JMY: variants seen among roughly 807,000 people sequenced by gnomAD.
The protein encoded by JMY is junction-mediating and -regulatory protein.
Under a neutral mutation model 103.3 loss-of-function variants are expected in JMY, and 46 were observed. The ratio of observed to expected loss-of-function variants is 0.45; its 90% CI spans 0.35 to 0.57. JMY has a LOEUF of 0.57. JMY is among the 20% of genes least tolerant of loss of function. The pLI, the probability that JMY is intolerant of heterozygous loss-of-function variation, is 0.00. For missense variants in JMY, 1,238 were observed against 1,255.2 expected (o/e 0.99, Z 0.21); for synonymous variants, 526 against 489.3 (o/e 1.07, Z -0.99).
chr5:79,271,298 C>T (rs929115107), intron 1 of JMY, among the ~76,000 whole-genome samples: 2 of 151,802 alleles, frequency 1.3e-5, no homozygotes, highest in Admixed American at 1.3e-4. Flanking sequence ...TTCCAAAGTG[C>T]TGGGGTTACA....
chr5:79,260,165 G>C (rs569613967), intron 1 of JMY, among the ~76,000 whole-genome samples: 36 of 152,248 alleles, frequency 2.4e-4, no homozygotes, highest in Non-Finnish European at 4.4e-4. Context: ...ACAAGTCCTA[G>C]CTGTACCCTT....
intron 7 of JMY, among the ~76,000 whole-genome samples, chr5:79,307,780 C>T (rs1331834717): frequency 6.6e-6 from 1 of 152,050 alleles, no homozygotes. Context: ...ATTCTGTCAC[C>T]AAGGCTGGAG....
chr5:79,306,247 A>G lies in JMY; in HGVS notation c.1882-128A>G, dbSNP rs1746876959. The G allele has an allele frequency of 9.3e-6, 6 of 643,848 alleles. No homozygotes were observed. In the East Asian group the frequency reaches 1.7e-4, roughly 18 times the overall value. The allele number at this position is 643,848 out of a possible 1,614,324, so 39.9% of individuals were successfully genotyped here. A position where few individuals can be genotyped will look rare whatever the true frequency, so the allele number is the denominator to read the frequency against. On this transcript the variant is annotated intron_variant, in intron 6 of 10. Coordinates refer to ENST00000396137, the MANE Select transcript of JMY (RefSeq NM_152405.5). ...ACAGCTTCAGTTGTCCAAATAAGAAACAAGAGGTGGTCAATGTGATACTTT... is the reference window on the plus strand; with the variant it reads ...ACAGCTTCAGTTGTCCAAATAAGAAGCAAGAGGTGGTCAATGTGATACTTT...
chr5:79,300,340 A>T (rs201931204), intron 5 of JMY, 22 bp downstream of exon 5: 1 of 1,489,068 alleles, frequency 6.7e-7, no homozygotes. Flanking sequence ...ATTTAACCAC[A>T]TAAGTTCACC....
In JMY at chr5:79,237,139, A is replaced by G. The variant is rs1395054441; in HGVS notation, c.489A>G (p.Ala163=). 2 of 1,547,946 alleles carry G rather than the reference A, an allele frequency of 1.3e-6. No individual in the cohort carries two copies. Among genetic ancestry groups the G allele is most frequent in the African/African-American group, 1.4e-5 (1 of 73,112 alleles). The part of the protein sequence containing the change: ...KTSEADDAAG[A]AAAAARPAPR... ...CTGAAGCCGACGATGCGGCGGGGGCAGCCGCTGCAGCAGCCCGGCCGGCGC... is the reference window on the plus strand; with the variant it reads ...CTGAAGCCGACGATGCGGCGGGGGCGGCCGCTGCAGCAGCCCGGCCGGCGC... The change falls in exon 1 of 11, where the codon GCA becomes GCG. Residue 163 remains alanine, a synonymous_variant. Transcript: ENST00000396137.
intron 6 of JMY, among the ~76,000 whole-genome samples, chr5:79,304,973 G>T (rs1746837095): frequency 6.6e-6 from 1 of 152,160 alleles, no homozygotes; most frequent in Non-Finnish European, 1.5e-5. Context: ...CTGAGTTACT[G>T]TATCACCAAG....
intron 7 of JMY, among the ~76,000 whole-genome samples, chr5:79,309,779 T>C (rs563877134): frequency 2.6e-5 from 4 of 152,336 alleles, no homozygotes; most frequent in Non-Finnish European, 5.9e-5. Flanking sequence ...TTTTCATTAC[T>C]GTTTCTGTGG....
chr5:79,253,481 A>T (rs1049725959), intron 1 of JMY, among the ~76,000 whole-genome samples: 1 of 151,840 alleles, frequency 6.6e-6, no homozygotes, highest in African/African-American at 2.4e-5. Context: ...TTTAGTAGAG[A>T]TGGGGTTTCA....
chr5:79,290,993 A>C, intron 3 of JMY, 137 bp from the exon 4 acceptor site: 1 of 590,112 alleles, frequency 1.7e-6, no homozygotes, highest in Admixed American at 4.1e-5. Context: ...TCATAAAAGA[A>C]AAAAAGAAAA....
chr5:79,316,232 T>C lies in JMY; in HGVS notation c.2892T>C (p.Leu964=), dbSNP rs1253312273. The C allele has an allele frequency of 1.2e-6, 2 of 1,614,042 alleles. No homozygotes were observed. Among genetic ancestry groups the C allele is most frequent in the Middle Eastern group, 1.6e-4 (1 of 6,062 alleles). The change falls in exon 10 of 11, where the codon CTT becomes CTC. Residue 964 remains leucine, a synonymous_variant. Coordinates refer to ENST00000396137, the MANE Select transcript of JMY (RefSeq NM_152405.5). The part of the protein sequence containing the change: ...DPLTRSIHEA[L]RRIKEASPES... ...TAACACGGAGCATCCATGAAGCTCT[T>C]AGAAGAATTAAAGAAGCATCCCCAG...
At chr5:79,310,057 CTTTTTTTTTTTTTTT>C (rs55994052) in intron 7 of JMY, among the ~76,000 whole-genome samples, 3 of 73,666 alleles carry the variant, frequency 4.1e-5, no homozygotes, top group East Asian at 4.4e-4. Flanking sequence ...CTTTCTTTTC[CTTTTTTTTTTTTTTT>C]TTTTTTTTTT....
chr5:79,288,467 C>G lies in JMY; in HGVS notation c.1207-1654C>G, dbSNP rs78410512. On this transcript the variant is annotated intron_variant, in intron 2 of 10. Transcript: ENST00000396137. The stretch of plus-strand genomic sequence containing the variant: ...AAATGATACTCTTTCCCCACAATAC[C>G]TTTTATTTTTCTCATAGGTGTTTTA... 4.0e-3 allele frequency among the ~76,000 whole-genome samples: 607 copies of G among 152,240 alleles called. 7 individuals are homozygous for G. Among genetic ancestry groups the G allele is most frequent in the African/African-American group, 0.014 (576 of 41,536 alleles).
At chr5:79,244,785 T>A (rs1015474060) in intron 1 of JMY, among the ~76,000 whole-genome samples, 1 of 151,868 alleles carries the variant, frequency 6.6e-6, no homozygotes, top group Non-Finnish European at 1.5e-5. Flanking sequence ...GTTCCAAGTG[T>A]AAGAGACATA....
intron 7 of JMY, 126 bp from the exon 8 acceptor site, chr5:79,312,277 C>G: frequency 2.1e-6 from 1 of 468,744 alleles, no homozygotes; most frequent in South Asian, 6.2e-5. Context: ...GTTTCATGAA[C>G]AAAAAAAAAT....
At chr5:79,281,732 GGTCA>G (rs2112089197) in intron 2 of JMY, among the ~76,000 whole-genome samples, 1 of 152,202 alleles carries the variant, frequency 6.6e-6, no homozygotes, top group South Asian at 2.1e-4. Context: ...TGATGGAAAT[GGTCA>G]GTATTTGATT....
chr5:79,244,713 A>C (rs1006215381), intron 1 of JMY, among the ~76,000 whole-genome samples: 5 of 151,888 alleles, frequency 3.3e-5, no homozygotes, highest in Non-Finnish European at 7.4e-5. Context: ...ACTCTCTAAA[A>C]GGCCAGGACC....
intron 9 of JMY, among the ~76,000 whole-genome samples, chr5:79,315,286 A>G (rs1183863134): frequency 6.6e-6 from 1 of 152,254 alleles, no homozygotes; most frequent in African/African-American, 2.4e-5. Flanking sequence ...TGTATAAAGA[A>G]GCAAAGAAGA....
rs74835634 is a variant in JMY, at chr5:79,263,350, C to G, written c.1033-14560C>G. ...GACAGCTGCCGAGAAGACTCAGACC[C>G]AAGTATCCTTGAATATGCACGGTCT... is the stretch of plus-strand genomic sequence containing the variant. On this transcript the variant is annotated intron_variant, in intron 1 of 10. Transcript: ENST00000396137. Among the ~76,000 whole-genome samples the G allele has an allele frequency of 5.6e-3, 853 of 152,232 alleles. 9 individuals carry two copies. The highest frequency in any genetic ancestry group is 0.02 in the African/African-American group (833 of 41,532).
chr5:79,281,246 G>C (rs1431721770), intron 2 of JMY, among the ~76,000 whole-genome samples: 1 of 151,022 alleles, frequency 6.6e-6, no homozygotes, highest in Non-Finnish European at 1.5e-5. Flanking sequence ...GGGTTTCACT[G>C]TGTTGGCCAG....
Sources: gnomAD v4.1 joint callset for allele counts (sites outside exome capture counted in the v4.1 genomes callset) on GRCh38, gnomAD v4.1.1 for gene constraint, MANE v1.5 for transcripts, NCBI Gene and HGNC (gene_info 2026-07-23, HGNC 2026-07-21) for gene names.